FARS2: variants seen among roughly 807,000 people sequenced by gnomAD.
FARS2 encodes the protein phenylalanine--tRNA ligase, mitochondrial.
A neutral mutation model predicts 46.4 loss-of-function variants in FARS2; 40 were observed. The observed-to-expected ratio is 0.86, with a 90% CI of 0.67 to 1.12. FARS2 has a LOEUF of 1.12. Ranked by LOEUF, FARS2 falls within the 50% of genes most tolerant of loss-of-function variation. FARS2 has a pLI of 0.00. For synonymous variants in FARS2, 234 were observed against 214.9 expected, an observed-to-expected ratio of 1.09 and a Z score of -0.78; for missense variants, 513 against 567.9, an observed-to-expected ratio of 0.90 and a Z score of 0.98.
At chr6:5,619,359 G>A (rs1483581676) in intron 6 of FARS2, among the ~76,000 whole-genome samples, 1 of 152,142 alleles carries the variant, frequency 6.6e-6, no homozygotes, top group African/African-American at 2.4e-5. Flanking sequence ...AGGTTTGAAA[G>A]GGTGGATTCA....
At chr6:5,608,542 A>G (rs1424688583) in intron 5 of FARS2, among the ~76,000 whole-genome samples, 1 of 152,136 alleles carries the variant, frequency 6.6e-6, no homozygotes, top group East Asian at 1.9e-4. Context: ...TCGTTTATTG[A>G]TTACACATGA....
intron 4 of FARS2, among the ~76,000 whole-genome samples, chr6:5,501,737 C>A (rs1007484981): frequency 6.6e-6 from 1 of 152,116 alleles, no homozygotes; most frequent in Non-Finnish European, 1.5e-5. Context: ...TCAAGTGGTC[C>A]GCCCGCCTCA....
intron 6 of FARS2, among the ~76,000 whole-genome samples, chr6:5,719,140 T>C (rs1485344231): frequency 1.3e-5 from 2 of 152,000 alleles, no homozygotes; most frequent in African/African-American, 4.8e-5. Context: ...CCCAGCACTT[T>C]GGGAGGCTGA....
chr6:5,437,465 A>G (rs1430547670), intron 4 of FARS2, among the ~76,000 whole-genome samples: 4 of 152,142 alleles, frequency 2.6e-5, no homozygotes, highest in Non-Finnish European at 5.9e-5. Context: ...TACTATGATT[A>G]TGGACTTGGC....
At chr6:5,262,331 G>A (rs1406041621) in intron 1 of FARS2, among the ~76,000 whole-genome samples, 1 of 152,106 alleles carries the variant, frequency 6.6e-6, no homozygotes, top group African/African-American at 2.4e-5. Flanking sequence ...AGGCTGGAGT[G>A]CAGTGGCGGG....
chr6:5,653,802 C>T (rs1777482533), intron 6 of FARS2, among the ~76,000 whole-genome samples: 1 of 152,242 alleles, frequency 6.6e-6, no homozygotes, highest in Non-Finnish European at 1.5e-5. Flanking sequence ...AAGCAAAGCT[C>T]ACCTTCATGG....
At chr6:5,604,657 A>G (rs1217194333) in intron 5 of FARS2, among the ~76,000 whole-genome samples, 24 of 152,202 alleles carry the variant, frequency 1.6e-4, no homozygotes, top group Admixed American at 1.1e-3. Context: ...TTACCACAAG[A>G]CAAACAATGA....
chr6:5,582,981 A>G (rs1358655216), intron 5 of FARS2, among the ~76,000 whole-genome samples: 1 of 152,266 alleles, frequency 6.6e-6, no homozygotes, highest in Admixed American at 6.5e-5. Flanking sequence ...TGGGTTAGCC[A>G]AGGCCTAATG....
intron 6 of FARS2, among the ~76,000 whole-genome samples, chr6:5,729,580 A>G (rs1334143887): frequency 6.6e-6 from 1 of 152,176 alleles, no homozygotes; most frequent in Non-Finnish European, 1.5e-5. Context: ...TTTCTCTTGG[A>G]AAATGTTTAG....
chr6:5,317,780 CAA>C (rs767858271), intron 1 of FARS2, among the ~76,000 whole-genome samples: 4 of 139,152 alleles, frequency 2.9e-5, no homozygotes, highest in Admixed American at 7.1e-5. Flanking sequence ...GACCCTATCT[CAA>C]AAAAAAAAAA....
At position 5,368,948 on chromosome 6, in the gene FARS2, T is replaced by C. The variant is rs2127643700; in HGVS notation, c.378T>C (p.Phe126=). Residue 126 remains phenylalanine (F), a synonymous_variant, in exon 2 of 7, where the codon TTT becomes TTC. Coordinates refer to ENST00000274680, the MANE Select transcript of FARS2 (RefSeq NM_006567.5). ...CAGTGGTCACGACCTGGCAGAACTT[T>C]GACAGCCTGCTCATCCCAGCTGATC... ...LSPVVTTWQN[F]DSLLIPADHP... is the part of the protein sequence containing the mutation. The C allele has an allele frequency of 6.2e-7, 1 of 1,614,162 alleles. No individual in the cohort carries two copies. Among genetic ancestry groups the C allele is most frequent in the African/African-American group, 1.3e-5 (1 of 75,038 alleles).
chr6:5,456,730 C>T (rs1251837394), intron 4 of FARS2, among the ~76,000 whole-genome samples: 1 of 69,892 alleles, frequency 1.4e-5, no homozygotes, highest in African/African-American at 5.6e-5. Flanking sequence ...GACTCCATCT[C>T]AAAAAAAAAA....
In FARS2 at chr6:5,431,107, A is replaced by C. The variant is rs11243011; in HGVS notation, c.839A>C (p.Asn280Thr). ...CATCCTTCCTTTGAGATGGAGATCA[A>C]CTTTCATGGAGAATGGCTGGAAGTT... ...FTHPSFEMEI[N>T]FHGEWLEVLG... Residue 280 changes from asparagine to threonine, a missense_variant, in exon 4 of 7, where the codon AAC becomes ACC. Coordinates refer to ENST00000274680, the MANE Select transcript of FARS2 (RefSeq NM_006567.5). The C allele has an allele frequency of 2.4e-5, 38 of 1,613,842 alleles. No homozygotes were observed. In the African/African-American group the frequency reaches 4.4e-4, roughly 19 times the overall value.
At chr6:5,685,845 T>A (rs1757157513) in intron 6 of FARS2, among the ~76,000 whole-genome samples, 1 of 152,138 alleles carries the variant, frequency 6.6e-6, no homozygotes, top group Non-Finnish European at 1.5e-5. Flanking sequence ...CAATATTTCC[T>A]CCAATTTTAA....
At chr6:5,472,102 C>T (rs147144351) in intron 4 of FARS2, among the ~76,000 whole-genome samples, 1 of 152,316 alleles carries the variant, frequency 6.6e-6, no homozygotes, top group African/African-American at 2.4e-5. Flanking sequence ...CCTCCGACCT[C>T]ATTGCTGCCT....
chr6:5,254,803 C>G, the FARS2 span, among the ~76,000 whole-genome samples: 2,226 of 152,334 alleles, frequency 0.015, 42 homozygotes, highest in African/African-American at 0.051. Context: ...ACCCCACCAG[C>G]TGTGCTCTCA....
the FARS2 span, among the ~76,000 whole-genome samples, chr6:5,254,440 T>C: frequency 6.6e-6 from 1 of 152,230 alleles, no homozygotes; most frequent in Admixed American, 6.5e-5. Context: ...TTGATTGTAA[T>C]AGTTCCTATT....
rs1041670818 is a variant in FARS2 at position 5,474,455 on chromosome 6, G to A, written c.904+43283G>A. 2.0e-4 allele frequency among the ~76,000 whole-genome samples: 31 copies of A among 152,150 alleles called. 1 individual carries two copies. The highest frequency in any genetic ancestry group is 6.8e-3 in the Middle Eastern group (2 of 294). On this transcript the variant is annotated intron_variant, in intron 4 of 6. Transcript: ENST00000274680. ...AAACATGTTGTTAGGCAATTTTGTC[G>A]TTGTGTGAACATCATAGAGTGTATT...
intron 4 of FARS2, among the ~76,000 whole-genome samples, chr6:5,448,002 A>C (rs1157681734): frequency 6.6e-6 from 1 of 152,250 alleles, no homozygotes; most frequent in Admixed American, 6.5e-5. Flanking sequence ...CACAATAGGA[A>C]GGCAGGGCCT....
Sources: gnomAD v4.1 joint callset for allele counts (sites outside exome capture counted in the v4.1 genomes callset) on GRCh38, gnomAD v4.1.1 for gene constraint, MANE v1.5 for transcripts, NCBI Gene and HGNC (gene_info 2026-07-23, HGNC 2026-07-21) for gene names.